SUCNR1: variants seen among roughly 807,000 people sequenced by gnomAD.
SUCNR1 encodes succinate receptor 1.
In SUCNR1, 5 loss-of-function variants were observed where a neutral mutation model predicts 2.4. That is an observed-to-expected ratio of 2.07 (90% confidence interval 1.08 to 4.36). The LOEUF (loss-of-function observed/expected upper bound fraction) is 4.36. SUCNR1 is among the 30% of genes most tolerant of loss of function. The probability of loss-of-function intolerance (pLI) is 0.00; values close to 1 mark genes in which losing one functional copy is unlikely to be tolerated. For synonymous variants in SUCNR1, 162 were observed against 143.9 expected, an observed-to-expected ratio of 1.13 and a Z score of -0.90; for missense variants, 373 against 399.2, an observed-to-expected ratio of 0.93 and a Z score of 0.56.
In SUCNR1 at chr3:151,881,856, C is replaced by A; in HGVS notation, c.*308C>A. ...AAGTTGTCTGCATTTGATCACTGGT[C>A]AGATTGTAAAAAAAAAAAAAATTGT... is the stretch of plus-strand genomic sequence containing the variant. On this transcript the variant is annotated 3_prime_UTR_variant, in exon 3 of 3. Transcript: ENST00000362032. 9.2e-6 allele frequency: 2 copies of A among 216,524 alleles called. No homozygotes were observed. Among genetic ancestry groups the A allele is most frequent in the East Asian group, 1.0e-4 (1 of 10,048 alleles). 13.4% of individuals were successfully genotyped at this position (216,524 alleles called of 1,614,324 possible).
At chr3:151,876,812 T>C (rs566635460) in intron 1 of SUCNR1, among the ~76,000 whole-genome samples, 1 of 152,222 alleles carries the variant, frequency 6.6e-6, no homozygotes, top group South Asian at 2.1e-4. Flanking sequence ...TATCTGGCCT[T>C]GGAGAAAATA....
rs1718181666 is a variant in SUCNR1 at position 151,884,075 on chromosome 3, T to C, written c.*2527T>C. The C allele has an allele frequency of 6.6e-6, 1 of 152,380 alleles. No homozygotes were observed. Among genetic ancestry groups the C allele is most frequent in the Admixed American group, 6.5e-5 (1 of 15,306 alleles). The allele number at this position is 152,380 out of a possible 1,614,324, so 9.4% of individuals were successfully genotyped here. ...CTACCACTGGGGCTTCAGATACTTT[T>C]AATACTACTTATTTGAATTTCATTA... On this transcript the variant is annotated 3_prime_UTR_variant, in exon 3 of 3. Transcript: ENST00000362032.
rs752512181 is a variant in SUCNR1 at position 151,880,661 on chromosome 3, G to A, written c.118G>A (p.Gly40Arg). 4 of 1,613,948 alleles carry A rather than the reference G, an allele frequency of 2.5e-6. No homozygotes were observed. The African/African-American group carries it at 5.3e-5, about 22-fold the overall frequency. ...GATTGAGTTCGTTGTGGGAGTCCTT[G>A]GAAATACCATTGTTGTTTACGGCTA... The part of the protein sequence containing the change: ...YGIEFVVGVL[G>R]NTIVVYGYIF... Residue 40 changes from glycine (G) to arginine (R), a missense_variant, in exon 3 of 3, where the codon GGA becomes AGA. Transcript: ENST00000362032.
chr3:151,881,898 A>T lies in SUCNR1; in HGVS notation c.*350A>T. ...AAAAATTGTTTTGGCAACATTCTCT[A>T]TGTTATTCTTATTCACATGATCCTA... On this transcript the variant is annotated 3_prime_UTR_variant, in exon 3 of 3. Coordinates refer to ENST00000362032, the MANE Select transcript of SUCNR1 (RefSeq NM_033050.6). 1 of 179,754 alleles carries T rather than the reference A, an allele frequency of 5.6e-6. No homozygotes were observed. Among genetic ancestry groups the T allele is most frequent in the Non-Finnish European group, 1.2e-5 (1 of 84,574 alleles). 11.1% of individuals were successfully genotyped at this position (179,754 alleles called of 1,614,324 possible).
At chr3:151,879,150 T>C (rs1294666748) in intron 1 of SUCNR1, among the ~76,000 whole-genome samples, 1 of 152,200 alleles carries the variant, frequency 6.6e-6, no homozygotes, top group East Asian at 1.9e-4. Flanking sequence ...TTCAGATAAT[T>C]AAAGTTCTTG....
Position 151,880,548 on chromosome 3 carries a change from C to A in SUCNR1, c.16-11C>A. The stretch of plus-strand genomic sequence containing the variant: ...AGTGTTTAATCCTTATATTTTCTCT[C>A]TCTTCTTTAGGCATGGAATGCAACT... On this transcript the variant is annotated splice_polypyrimidine_tract_variant and intron_variant, in intron 2 of 2. Transcript: ENST00000362032. 6.3e-7 allele frequency: 1 copy of A among 1,578,042 alleles called. No homozygotes were observed.
chr3:151,878,134 C>T (rs1717976837), intron 1 of SUCNR1, among the ~76,000 whole-genome samples: 1 of 152,016 alleles, frequency 6.6e-6, no homozygotes, highest in African/African-American at 2.4e-5. Context: ...ACTGGTAGGT[C>T]CGAAGCCAAA....
At position 151,882,345 on chromosome 3, in the gene SUCNR1, G is replaced by GA. The variant is rs1303948910; in HGVS notation, c.*798dup. On this transcript the variant is annotated 3_prime_UTR_variant, in exon 3 of 3. Transcript: ENST00000362032. The stretch of plus-strand genomic sequence containing the variant: ...AAAAAGTGAATACATCGTTTTAAAT[G>GA]ATGATTTTGCCATCTGGTATTTTAT... 2.0e-5 allele frequency: 3 copies of GA among 152,148 alleles called. No homozygotes were observed. Among genetic ancestry groups the GA allele is most frequent in the African/African-American group, 7.2e-5 (3 of 41,448 alleles). The allele number at this position is 152,148 out of a possible 1,614,324, so 9.4% of individuals were successfully genotyped here.
chr3:151,878,124 A>T (rs1717976682), intron 1 of SUCNR1, among the ~76,000 whole-genome samples: 4 of 152,162 alleles, frequency 2.6e-5, no homozygotes, highest in Admixed American at 2.6e-4. Flanking sequence ...TACTTGGAGG[A>T]CTGGTAGGTC....
rs543279251 is a variant in SUCNR1 at position 151,882,776 on chromosome 3, T to C, written c.*1228T>C. ...TCCCAGGAGGGTTAATGAGGCCCCA[T>C]TTCCTGCACAAAACAAATGTAGGGG... On this transcript the variant is annotated 3_prime_UTR_variant, in exon 3 of 3. Coordinates refer to ENST00000362032, the MANE Select transcript of SUCNR1 (RefSeq NM_033050.6). 10 of 152,252 alleles carry C rather than the reference T, an allele frequency of 6.6e-5. No homozygotes were observed. In the South Asian group the frequency reaches 1.9e-3, roughly 28 times the overall value. 9.4% of individuals were successfully genotyped at this position (152,252 alleles called of 1,614,324 possible).
At chr3:151,876,229 A>G (rs1717920347) in intron 1 of SUCNR1, among the ~76,000 whole-genome samples, 1 of 152,182 alleles carries the variant, frequency 6.6e-6, no homozygotes, top group Non-Finnish European at 1.5e-5. Context: ...TAAGCCACAA[A>G]AGAGCATGAA....
chr3:151,875,313 G>A (rs891520957), intron 1 of SUCNR1, among the ~76,000 whole-genome samples: 5 of 151,892 alleles, frequency 3.3e-5, no homozygotes, highest in African/African-American at 1.2e-4. Flanking sequence ...TTAATTGGGA[G>A]TTTTGCTTAA....
intron 1 of SUCNR1, among the ~76,000 whole-genome samples, chr3:151,875,154 A>T (rs1717886420): frequency 6.6e-6 from 1 of 152,124 alleles, no homozygotes; most frequent in African/African-American, 2.4e-5. Flanking sequence ...TTTCACTTTA[A>T]TTTCTGCTCT....
chr3:151,879,824 T>C, intron 1 of SUCNR1, 28 bp from the exon 2 acceptor site: 2 of 1,153,822 alleles, frequency 1.7e-6, no homozygotes, highest in Non-Finnish European at 2.4e-6. Flanking sequence ...GAGACTGAAG[T>C]TCTAAAAATT....
At position 151,879,880 on chromosome 3, in the gene SUCNR1, G is replaced by C; in HGVS notation, c.-13G>C. ...ATGGTTTAACTCAGCAGAATTTGTTGAACAACTACGACATGCTGGGGATCA... is the reference window on the plus strand; with the variant it reads ...ATGGTTTAACTCAGCAGAATTTGTTCAACAACTACGACATGCTGGGGATCA... On this transcript the variant is annotated 5_prime_UTR_variant, in exon 2 of 3. Coordinates refer to ENST00000362032, the MANE Select transcript of SUCNR1 (RefSeq NM_033050.6). 1.3e-6 allele frequency: 2 copies of C among 1,571,904 alleles called. No individual in the cohort carries two copies. The highest frequency in any genetic ancestry group is 1.7e-6 in the Non-Finnish European group (2 of 1,158,232).
chr3:151,879,594 C>T (rs987843868), intron 1 of SUCNR1, among the ~76,000 whole-genome samples: 1 of 152,112 alleles, frequency 6.6e-6, no homozygotes, highest in African/African-American at 2.4e-5. Flanking sequence ...GTCTATAGAA[C>T]TGTGAGAAAT....
intron 2 of SUCNR1, among the ~76,000 whole-genome samples, chr3:151,880,301 T>A (rs776812749): frequency 2.0e-5 from 3 of 152,184 alleles, no homozygotes; most frequent in Non-Finnish European, 4.4e-5. Flanking sequence ...TTGTTAGAGA[T>A]TAGGAACTTT....
In SUCNR1 at chr3:151,880,619, C is replaced by T. The variant is rs150010765; in HGVS notation, c.76C>T (p.Leu26Phe). Residue 26 changes from leucine to phenylalanine, a missense_variant, in exon 3 of 3, where the codon CTT (leucine) becomes TTT (phenylalanine). By Grantham distance (22) the Leu-to-Phe change is conservative. Transcript: ENST00000362032. ...AGAGGCTGCCCTGGAAAAGTACTAC[C>T]TTTCCATTTTTTATGGGATTGAGTT... The part of the protein sequence containing the change: ...AAEAALEKYY[L>F]SIFYGIEFVV... 1.4e-5 allele frequency: 22 copies of T among 1,613,184 alleles called. No individual in the cohort carries two copies. Among genetic ancestry groups the T allele is most frequent in the Admixed American group, 1.0e-4 (6 of 59,968 alleles).
Position 151,884,139 on chromosome 3 carries a change from C to T in SUCNR1, c.*2591C>T, listed in dbSNP as rs1434745388. On this transcript the variant is annotated 3_prime_UTR_variant, in exon 3 of 3. Transcript: ENST00000362032. ...TTATTATTGTCTTCATAGCTGAGTACTCTTAAAATTACTGTTTATTATAAG... is the reference window on the plus strand; with the variant it reads ...TTATTATTGTCTTCATAGCTGAGTATTCTTAAAATTACTGTTTATTATAAG... 6.6e-6 allele frequency: 1 copy of T among 152,166 alleles called. No homozygotes were observed. The highest frequency in any genetic ancestry group is 1.5e-5 in the Non-Finnish European group (1 of 68,020). The allele number at this position is 152,166 out of a possible 1,614,324, so 9.4% of individuals were successfully genotyped here. A position where few individuals can be genotyped will look rare whatever the true frequency, so the allele number is the denominator to read the frequency against.
Sources: allele counts gnomAD v4.1 joint callset (sites outside exome capture counted in the v4.1 genomes callset), GRCh38; gene constraint gnomAD v4.1.1; transcripts MANE v1.5; gene names NCBI Gene and HGNC (gene_info 2026-07-23, HGNC 2026-07-21).